UGGT1: variants seen among roughly 807,000 people sequenced by gnomAD.
UGGT1 encodes the protein UDP-glucose:glycoprotein glucosyltransferase 1.
Under a neutral mutation model 203.9 loss-of-function variants are expected in UGGT1, and 107 were observed. The ratio of observed to expected loss-of-function variants is 0.52; its 90% confidence interval spans 0.45 to 0.62. UGGT1 has a LOEUF of 0.62. Among genes scored for constraint, UGGT1 ranks in the 20% least tolerant of loss-of-function variants. The probability of loss-of-function intolerance (pLI) is 0.00; values close to 1 mark genes in which losing one functional copy is unlikely to be tolerated. For synonymous variants in UGGT1, 628 were observed against 653.5 expected, an observed-to-expected ratio of 0.96 and a Z score of 0.59; for missense variants, 1,673 against 1,867.2, an observed-to-expected ratio of 0.90 and a Z score of 1.92.
At chr2:128,119,826 T>TTC (rs34985948) in intron 8 of UGGT1, among the ~76,000 whole-genome samples, 153 of 152,060 alleles carry the variant, frequency 1.0e-3, no homozygotes, top group Admixed American at 2.0e-3. Flanking sequence ...TTTCTTTTTT[T>TTC]CCCAGTATAA....
intron 1 of UGGT1, among the ~76,000 whole-genome samples, chr2:128,094,849 A>G (rs1364774294): frequency 6.8e-6 from 1 of 146,066 alleles, no homozygotes; most frequent in Non-Finnish European, 1.5e-5. Context: ...CCCGGGTTCA[A>G]GCGATTCTCC....
Position 128,164,664 on chromosome 2 carries a change from G to A in UGGT1, c.2826-66G>A, listed in dbSNP as rs1002106437. The stretch of plus-strand genomic sequence containing the variant: ...AATTCAGTATTTGGGCTGATGATAT[G>A]TTTGGCAATAATTGGAAAACTTTCA... On this transcript the variant is annotated intron_variant, in intron 25 of 40. Transcript: ENST00000259253. 63 of 1,352,496 alleles carry A rather than the reference G, an allele frequency of 4.7e-5. No individual in the cohort carries two copies. In the Admixed American group the frequency reaches 1.1e-3, roughly 23 times the overall value. 83.8% of individuals were successfully genotyped at this position (1,352,496 alleles called of 1,614,324 possible). A position where few individuals can be genotyped will look rare whatever the true frequency, so the allele number is the denominator to read the frequency against.
chr2:128,180,915 A>AAT lies in UGGT1; in HGVS notation c.3928_3929dup (p.Asn1311ThrfsTer40). On this transcript the variant is annotated frameshift_variant, in exon 36 of 41. Coordinates refer to ENST00000259253, the MANE Select transcript of UGGT1 (RefSeq NM_020120.4). LOFTEE classifies it high-confidence loss of function. ...GAGTTTATACCTTACATGGCAAATGAATACAATTTCCAGTATGAGCTTGTT... is the reference window on the plus strand; with the variant it reads ...GAGTTTATACCTTACATGGCAAATGAATATACAATTTCCAGTATGAGCTTGTT... The AAT allele has an allele frequency of 6.2e-7, 1 of 1,613,828 alleles. No homozygotes were observed. Among genetic ancestry groups the AAT allele is most frequent in the Non-Finnish European group, 8.5e-7 (1 of 1,179,880 alleles).
intron 22 of UGGT1, among the ~76,000 whole-genome samples, chr2:128,158,363 C>T (rs1266422907): frequency 2.6e-5 from 4 of 152,298 alleles, no homozygotes; most frequent in Admixed American, 1.3e-4. Context: ...AGCCCTCCCA[C>T]ACTTGTGCCC....
intron 15 of UGGT1, among the ~76,000 whole-genome samples, chr2:128,136,959 A>G (rs915469291): frequency 1.3e-5 from 2 of 152,188 alleles, no homozygotes; most frequent in African/African-American, 2.4e-5. Context: ...CCCTAATGAC[A>G]TATGATGTTC....
At chr2:128,171,798 C>T (rs986178221) in intron 28 of UGGT1, among the ~76,000 whole-genome samples, 8 of 152,124 alleles carry the variant, frequency 5.3e-5, no homozygotes, top group Admixed American at 3.3e-4. Context: ...TGAGCTACCA[C>T]GCCTGGCCCC....
chr2:128,154,612 C>A (rs927401024), intron 19 of UGGT1, among the ~76,000 whole-genome samples: 1 of 152,136 alleles, frequency 6.6e-6, no homozygotes, highest in Non-Finnish European at 1.5e-5. Context: ...TCCCTTCCCC[C>A]ACGTGATATC....
rs1358825812 is a variant in UGGT1, at chr2:128,107,973, G to C, written c.313G>C (p.Ala105Pro). The C allele has an allele frequency of 3.1e-6, 5 of 1,613,960 alleles. No homozygotes were observed. Among genetic ancestry groups the C allele is most frequent in the Admixed American group, 1.7e-5 (1 of 59,994 alleles). The stretch of plus-strand genomic sequence containing the variant: ...TTCCTACTATCATGCAATATTGGAG[G>C]CTGCATTTCAGTTTCTGTCACCCCT... ...DYSYYHAILE[A>P]AFQFLSPLQQ... Residue 105 changes from alanine to proline, a missense_variant, in exon 4 of 41, where the codon GCT becomes CCT. Physicochemically the swap from Ala to Pro is conservative, Grantham distance 27. Transcript: ENST00000259253.
At position 128,127,412 on chromosome 2, in the gene UGGT1, A is replaced by G. The variant is rs1205741232; in HGVS notation, c.1186A>G (p.Asn396Asp). ...ACCTGGAGATTCAGCCCTCTTCATCAATGGACTTCACATGGATTTAGATAC... is the reference window on the plus strand; with the variant it reads ...ACCTGGAGATTCAGCCCTCTTCATCGATGGACTTCACATGGATTTAGATAC... Reference protein sequence around the residue: ...LQPGDSALFINGLHMDLDTQD... With the variant: ...LQPGDSALFIDGLHMDLDTQD... Residue 396 changes from asparagine (N) to aspartate (D), a missense_variant, in exon 12 of 41, where the codon AAT (asparagine) becomes GAT (aspartate). Physicochemically the swap from Asn to Asp is conservative, Grantham distance 23. Transcript: ENST00000259253. 1 of 1,613,502 alleles carries G rather than the reference A, an allele frequency of 6.2e-7. No homozygotes were observed. The highest frequency in any genetic ancestry group is 2.2e-5 in the East Asian group (1 of 44,874).
intron 26 of UGGT1, among the ~76,000 whole-genome samples, chr2:128,167,996 T>C (rs1376063716): frequency 6.6e-6 from 1 of 152,342 alleles, no homozygotes; most frequent in African/African-American, 2.4e-5. Flanking sequence ...TTTGAGACTC[T>C]CTCTCTGGTT....
intron 14 of UGGT1, among the ~76,000 whole-genome samples, chr2:128,134,656 G>A (rs1050688171): frequency 6.6e-6 from 1 of 152,196 alleles, no homozygotes; most frequent in African/African-American, 2.4e-5. Context: ...CAGTTCCCTT[G>A]TTATCAGCGT....
intron 14 of UGGT1, among the ~76,000 whole-genome samples, chr2:128,133,516 C>T (rs544342710): frequency 7.2e-5 from 11 of 152,250 alleles, no homozygotes; most frequent in African/African-American, 2.6e-4. Context: ...AAGGTTTAGA[C>T]TATTGTTTTA....
chr2:128,112,967 A>G, intron 5 of UGGT1, 117 bp from the exon 6 acceptor site: 2 of 931,138 alleles, frequency 2.1e-6, no homozygotes, highest in South Asian at 2.9e-5. Flanking sequence ...GCTACCCTTC[A>G]TATTAAGATG....
At position 128,138,780 on chromosome 2, in the gene UGGT1, G is replaced by A. The variant is rs1261517838; in HGVS notation, c.1647G>A (p.Val549=). 7 of 1,614,006 alleles carry A rather than the reference G, an allele frequency of 4.3e-6. No individual in the cohort carries two copies. Among genetic ancestry groups the A allele is most frequent in the African/African-American group, 2.7e-5 (2 of 74,900 alleles). ...EDVDGMQDAG[V]AVLRAYNYVA... ...TTGATGGGATGCAAGATGCTGGAGT[G>A]GCTGTTCTTAGAGCATATAATTATG... The change falls in exon 16 of 41, where the codon GTG becomes GTA. Residue 549 remains valine (V), a synonymous_variant. Transcript: ENST00000259253.
intron 22 of UGGT1, 59 bp downstream of exon 22, chr2:128,157,405 C>T: frequency 7.2e-7 from 1 of 1,396,278 alleles, no homozygotes. Flanking sequence ...TCTTCATGGG[C>T]TTCGCTGTGC....
intron 10 of UGGT1, among the ~76,000 whole-genome samples, chr2:128,121,632 C>G (rs1278193574): frequency 6.6e-6 from 1 of 152,048 alleles, no homozygotes; most frequent in Non-Finnish European, 1.5e-5. Flanking sequence ...GTCTTGAATG[C>G]CTGACCTCAA....
At chr2:128,165,845 T>C (rs1423454552) in intron 26 of UGGT1, among the ~76,000 whole-genome samples, 1 of 152,114 alleles carries the variant, frequency 6.6e-6, no homozygotes, top group Non-Finnish European at 1.5e-5. Context: ...CACTGCACCT[T>C]CCGCCTTCTG....
intron 2 of UGGT1, among the ~76,000 whole-genome samples, chr2:128,100,381 G>GT (rs1208982738): frequency 1.3e-5 from 2 of 151,576 alleles, no homozygotes; most frequent in Non-Finnish European, 2.9e-5. Context: ...ACAATTAACT[G>GT]TAACAGGTGT....
rs376152140 is a variant in UGGT1 at position 128,135,409 on chromosome 2, G to C, written c.1583+448G>C. On this transcript the variant is annotated intron_variant, in intron 15 of 40. Coordinates refer to ENST00000259253, the MANE Select transcript of UGGT1 (RefSeq NM_020120.4). ...AAACCTGCCTACAGGGTACTGAGTG[G>C]CTGGATTTCCACTGTCTTTTTAAGA... 1.4e-4 allele frequency among the ~76,000 whole-genome samples: 21 copies of C among 152,274 alleles called. No homozygotes were observed. The East Asian group carries it at 2.5e-3, about 18-fold the overall frequency.
Sources: allele counts gnomAD v4.1 joint callset (sites outside exome capture counted in the v4.1 genomes callset), GRCh38; gene constraint gnomAD v4.1.1; transcripts MANE v1.5; gene names NCBI Gene and HGNC (gene_info 2026-07-23, HGNC 2026-07-21).